The following PDCD1LG2 variants were observed in gnomAD, a reference collection of about 807,000 sequenced individuals.
PDCD1LG2 encodes B7 dendritic cell molecule.
Under a neutral mutation model 28.2 loss-of-function variants are expected in PDCD1LG2, and 32 were observed. The observed-to-expected ratio is 1.13, with a 90% CI of 0.86 to 1.52. The LOEUF (loss-of-function observed/expected upper bound fraction) is 1.52. Ranked by LOEUF, PDCD1LG2 falls within the 40% of genes most tolerant of loss-of-function variation. PDCD1LG2 has a pLI of 0.00. For synonymous variants in PDCD1LG2, 116 were observed against 120.2 expected (o/e 0.97, Z 0.23); for missense variants, 385 against 323.8 (o/e 1.19, Z -1.45).
At chr9:5,524,206 A>C (rs1482829933) in intron 2 of PDCD1LG2, among the ~76,000 whole-genome samples, 1 of 152,232 alleles carries the variant, frequency 6.6e-6, no homozygotes, top group Non-Finnish European at 1.5e-5. Context: ...TTACATAGTT[A>C]TTAGGTGACA....
At chr9:5,539,159 A>G (rs1180655994) in intron 3 of PDCD1LG2, among the ~76,000 whole-genome samples, 1 of 152,216 alleles carries the variant, frequency 6.6e-6, no homozygotes, top group Non-Finnish European at 1.5e-5. Context: ...GCTGAACATT[A>G]TATGTTTTTC....
In PDCD1LG2 at chr9:5,555,200, A is replaced by T. The variant is rs553629827; in HGVS notation, c.632-2418A>T. 2.3e-3 allele frequency among the ~76,000 whole-genome samples: 353 copies of T among 152,264 alleles called. 2 individuals are homozygous for T. The highest frequency in any genetic ancestry group is 8.3e-3 in the African/African-American group (345 of 41,542). ...GAGGCTGAGATGGGTGGATTGCTTG[A>T]GGCCAGGAGTTCAAAAATCAGCCTG... On this transcript the variant is annotated intron_variant, in intron 4 of 6. Coordinates refer to ENST00000397747, the MANE Select transcript of PDCD1LG2 (RefSeq NM_025239.4).
intron 3 of PDCD1LG2, among the ~76,000 whole-genome samples, chr9:5,547,985 C>T (rs1459461995): frequency 3.3e-5 from 5 of 149,974 alleles, no homozygotes; most frequent in Admixed American, 6.6e-5. Context: ...TAACATATCA[C>T]ATCACCAAGT....
chr9:5,553,388 T>C (rs898112627), intron 4 of PDCD1LG2, among the ~76,000 whole-genome samples: 6 of 152,228 alleles, frequency 3.9e-5, no homozygotes, highest in Non-Finnish European at 7.3e-5. Flanking sequence ...CTGGAATTGT[T>C]TATTCAACTG....
chr9:5,557,341 C>G (rs901412099), intron 4 of PDCD1LG2, among the ~76,000 whole-genome samples: 1 of 152,226 alleles, frequency 6.6e-6, no homozygotes, highest in Non-Finnish European at 1.5e-5. Context: ...TGTATCTTAG[C>G]TGGGTCACTT....
Position 5,515,922 on chromosome 9 carries a change from CAAAA to C in PDCD1LG2, c.-15+5143_-15+5146del, listed in dbSNP as rs1204038026. ...TGGGTGAGAGAGCAAGACTCCATCT[CAAAA>C]AAAAAAAAAAAAAAAAAAAAAAAGA... On this transcript the variant is annotated intron_variant, in intron 1 of 6. Coordinates refer to ENST00000397747, the MANE Select transcript of PDCD1LG2 (RefSeq NM_025239.4). 7.9e-4 allele frequency among the ~76,000 whole-genome samples: 24 copies of C among 30,288 alleles called. No homozygotes were observed. In the East Asian group the frequency reaches 0.012, roughly 16 times the overall value. The allele number at this position is 30,288 out of a possible 152,430, so 19.9% of individuals were successfully genotyped here.
intron 4 of PDCD1LG2, 99 bp from the exon 5 acceptor site, chr9:5,557,519 G>A (rs1020258703): frequency 2.9e-6 from 4 of 1,394,680 alleles, no homozygotes; most frequent in Non-Finnish European, 4.0e-6. Context: ...ATGCTCCACA[G>A]AGCTAGCCGT....
intron 4 of PDCD1LG2, among the ~76,000 whole-genome samples, chr9:5,552,723 C>T (rs887498694): frequency 6.6e-6 from 1 of 152,084 alleles, no homozygotes; most frequent in African/African-American, 2.4e-5. Context: ...GACTAAATAC[C>T]CATCTCATCA....
intron 2 of PDCD1LG2, among the ~76,000 whole-genome samples, chr9:5,530,430 G>T (rs1045582251): frequency 1.3e-5 from 2 of 150,864 alleles, no homozygotes; most frequent in South Asian, 2.1e-4. Context: ...TAACCATGTG[G>T]CATGTAAAGT....
chr9:5,557,001 T>C (rs958040865), intron 4 of PDCD1LG2, among the ~76,000 whole-genome samples: 1 of 152,196 alleles, frequency 6.6e-6, no homozygotes, highest in African/African-American at 2.4e-5. Flanking sequence ...TTGTAATAAT[T>C]CACACTAAGG....
intron 5 of PDCD1LG2, 95 bp from the exon 6 acceptor site, chr9:5,563,067 A>C: frequency 1.9e-6 from 2 of 1,053,104 alleles, no homozygotes; most frequent in South Asian, 1.4e-5. Flanking sequence ...ATGTGGATTT[A>C]TTTAGATTTA....
At chr9:5,522,642 G>A (rs763139970) in intron 2 of PDCD1LG2, 41 bp downstream of exon 2, 3 of 1,599,474 alleles carry the variant, frequency 1.9e-6, no homozygotes, top group Non-Finnish European at 2.6e-6. Flanking sequence ...AAGAAGAGCA[G>A]GTGGTGGTTC....
At chr9:5,515,494 T>C (rs1019871962) in intron 1 of PDCD1LG2, among the ~76,000 whole-genome samples, 1 of 152,144 alleles carries the variant, frequency 6.6e-6, no homozygotes, top group Non-Finnish European at 1.5e-5. Context: ...AGGAGCTTCG[T>C]TGAGTGACAG....
At chr9:5,514,236 T>C (rs1421931767) in intron 1 of PDCD1LG2, among the ~76,000 whole-genome samples, 1 of 152,214 alleles carries the variant, frequency 6.6e-6, no homozygotes, top group Non-Finnish European at 1.5e-5. Context: ...TTATTTACCC[T>C]TGTATACTAG....
At chr9:5,532,232 G>T (rs1416628666) in intron 2 of PDCD1LG2, among the ~76,000 whole-genome samples, 1 of 152,174 alleles carries the variant, frequency 6.6e-6, no homozygotes, top group Non-Finnish European at 1.5e-5. Flanking sequence ...CTGCCCCTGT[G>T]CCCCTCCTGC....
intron 3 of PDCD1LG2, among the ~76,000 whole-genome samples, chr9:5,537,103 C>T (rs1305641526): frequency 3.3e-5 from 5 of 152,168 alleles, no homozygotes; most frequent in Non-Finnish European, 2.9e-5. Context: ...TTGAAGGAGG[C>T]CCTTATAAAG....
At chr9:5,515,981 T>C (rs185395236) in intron 1 of PDCD1LG2, among the ~76,000 whole-genome samples, 4 of 140,024 alleles carry the variant, frequency 2.9e-5, no homozygotes, top group Admixed American at 2.2e-4. Context: ...AGATCTGAAG[T>C]GAGCAACTGC....
At chr9:5,549,140 C>T (rs560370137) in intron 3 of PDCD1LG2, among the ~76,000 whole-genome samples, 195 bp from the exon 4 acceptor site, 1 of 152,252 alleles carries the variant, frequency 6.6e-6, no homozygotes, top group South Asian at 2.1e-4. Context: ...ATCTTTATTG[C>T]ATTGTAAGAA....
At chr9:5,532,677 C>G (rs935143587) in intron 2 of PDCD1LG2, among the ~76,000 whole-genome samples, 2 of 152,100 alleles carry the variant, frequency 1.3e-5, no homozygotes, top group African/African-American at 2.4e-5. Context: ...GCAGAAAACC[C>G]AAAAGTTACT....
Sources: allele counts gnomAD v4.1 joint callset (sites outside exome capture counted in the v4.1 genomes callset), GRCh38; gene constraint gnomAD v4.1.1; transcripts MANE v1.5; gene names NCBI Gene and HGNC (gene_info 2026-07-23, HGNC 2026-07-21).